The following CFAP44 variants were observed in gnomAD, a reference collection of about 807,000 sequenced individuals.
The protein encoded by CFAP44 is cilia and flagella associated protein 44.
CFAP44 carries 134 observed loss-of-function variants against 216.2 expected under a neutral mutation model. That is an observed-to-expected ratio of 0.62 (90% CI 0.54 to 0.72). CFAP44 has a LOEUF of 0.72. CFAP44 is among the 30% of genes least tolerant of loss of function. CFAP44 has a pLI of 0.00. For synonymous variants in CFAP44, 700 were observed against 727.6 expected, an observed-to-expected ratio of 0.96 and a Z score of 0.61; for missense variants, 2,035 against 2,182.1, an observed-to-expected ratio of 0.93 and a Z score of 1.34.
chr3:113,293,705 C>A (rs1212583387), intron 34 of CFAP44, among the ~76,000 whole-genome samples: 1 of 152,134 alleles, frequency 6.6e-6, no homozygotes, highest in Non-Finnish European at 1.5e-5. Context: ...GAAAAAGACC[C>A]CTCAATATTC....
intron 4 of CFAP44, among the ~76,000 whole-genome samples, chr3:113,420,448 A>G (rs1365135767): frequency 6.6e-6 from 1 of 152,226 alleles, no homozygotes; most frequent in African/African-American, 2.4e-5. Flanking sequence ...TTTGGTTACT[A>G]TTTTAATTTT....
At chr3:113,379,877 A>G (rs1252155032) in intron 16 of CFAP44, among the ~76,000 whole-genome samples, 2 of 152,202 alleles carry the variant, frequency 1.3e-5, no homozygotes, top group African/African-American at 2.4e-5. Context: ...GTCCACAAGG[A>G]AAGTTGCTTC....
chr3:113,289,966 C>T lies in CFAP44; in HGVS notation c.*1591G>A, dbSNP rs1576530277. The T allele has an allele frequency of 6.6e-6, 1 of 152,400 alleles. No individual in the cohort carries two copies. The highest frequency in any genetic ancestry group is 6.5e-5 in the Admixed American group (1 of 15,306). The allele number at this position is 152,400 out of a possible 1,614,324, so 9.4% of individuals were successfully genotyped here. On this transcript the variant is annotated 3_prime_UTR_variant, in exon 35 of 35. Transcript: ENST00000393845. Reference sequence around the variant, plus strand: ...CCAGCTCCTAGTGTGACTGCAACTCCACGAAAGACCCTGAGCCAGAACACC... The same window carrying T: ...CCAGCTCCTAGTGTGACTGCAACTCTACGAAAGACCCTGAGCCAGAACACC...
In CFAP44 at chr3:113,289,317, C is replaced by G. The variant is rs1390210892; in HGVS notation, c.*2240G>C. 6.6e-6 allele frequency: 1 copy of G among 152,176 alleles called. No homozygotes were observed. Among genetic ancestry groups the G allele is most frequent in the Non-Finnish European group, 1.5e-5 (1 of 68,034 alleles). The allele number at this position is 152,176 out of a possible 1,614,324, so 9.4% of individuals were successfully genotyped here. On this transcript the variant is annotated 3_prime_UTR_variant, in exon 35 of 35. Transcript: ENST00000393845. ...AATTAACTAGTGATTTAGTCCAGCT[C>G]AGTTTGGGAATAATTATCCCGATTA... is the stretch of plus-strand genomic sequence containing the variant.
chr3:113,325,893 C>T (rs1481162146), intron 28 of CFAP44, among the ~76,000 whole-genome samples: 1 of 152,130 alleles, frequency 6.6e-6, no homozygotes, highest in Non-Finnish European at 1.5e-5. Context: ...CCTAGAAATA[C>T]ATCCACACAA....
chr3:113,346,330 C>T (rs4682134), intron 22 of CFAP44, among the ~76,000 whole-genome samples: 50,723 of 141,572 alleles, frequency 0.36, 8,870 homozygotes, highest in East Asian at 0.59. Flanking sequence ...AGCTAAAGGA[C>T]TGTAAGTGCA....
At chr3:113,416,728 G>A (rs1934658692) in intron 5 of CFAP44, 101 bp from the exon 6 acceptor site, 1 of 822,092 alleles carries the variant, frequency 1.2e-6, no homozygotes, top group African/African-American at 1.8e-5. Flanking sequence ...TAATTTATTA[G>A]GCTTTACTCT....
chr3:113,299,067 A>G (rs1949909651), intron 32 of CFAP44, among the ~76,000 whole-genome samples: 1 of 152,232 alleles, frequency 6.6e-6, no homozygotes, highest in African/African-American at 2.4e-5. Context: ...ATAAATTAAA[A>G]TCACACAGTT....
chr3:113,347,145 G>A (rs180965078), intron 22 of CFAP44, among the ~76,000 whole-genome samples: 1 of 152,292 alleles, frequency 6.6e-6, no homozygotes, highest in Non-Finnish European at 1.5e-5. Flanking sequence ...AGTTAAAAGT[G>A]ACTAGCGTGG....
intron 17 of CFAP44, 127 bp from the exon 18 acceptor site, chr3:113,373,683 A>C: frequency 1.4e-6 from 1 of 729,468 alleles, no homozygotes; most frequent in African/African-American, 1.8e-5. Flanking sequence ...ACTTCTACAT[A>C]ATTTCTATGA....
chr3:113,372,884 T>G (rs1263341953), intron 18 of CFAP44, among the ~76,000 whole-genome samples: 1 of 152,156 alleles, frequency 6.6e-6, no homozygotes, highest in African/African-American at 2.4e-5. Context: ...ATCTTGGAAC[T>G]CTAGCCTCCA....
At chr3:113,406,183 A>C (rs1934273010) in intron 8 of CFAP44, among the ~76,000 whole-genome samples, 1 of 152,256 alleles carries the variant, frequency 6.6e-6, no homozygotes, top group African/African-American at 2.4e-5. Context: ...AACAGATTAC[A>C]GTTGCAGTGT....
At chr3:113,336,852 G>A (rs1447763824) in intron 24 of CFAP44, among the ~76,000 whole-genome samples, 1 of 151,814 alleles carries the variant, frequency 6.6e-6, no homozygotes, top group African/African-American at 2.4e-5. Context: ...TAGGTAGATT[G>A]AGGTAAAGGA....
At position 113,296,783 on chromosome 3, in the gene CFAP44, A is replaced by T. The variant is rs1949886026; in HGVS notation, c.5180T>A (p.Leu1727Gln). 6.5e-7 allele frequency: 1 copy of T among 1,537,722 alleles called. No homozygotes were observed. Among genetic ancestry groups the T allele is most frequent in the South Asian group, 1.2e-5 (1 of 84,056 alleles). Reference sequence around the variant, plus strand: ...CTCCTTTCGAAGTTTTCTGATCTTCAGTTCTTCAAGTGTTGTATTAACAGA... The same window carrying T: ...CTCCTTTCGAAGTTTTCTGATCTTCTGTTCTTCAAGTGTTGTATTAACAGA... ...TLSVNTTLEE[L>Q]KIRKLRKELA... Residue 1727 changes from leucine (L) to glutamine (Q), a missense_variant, in exon 33 of 35, where the codon CTG (leucine) becomes CAG (glutamine). This residue lies in a region of CFAP44 where 1,883 missense variants were observed against 2,023.7 expected (regional missense o/e 0.93). Coordinates refer to ENST00000393845, the MANE Select transcript of CFAP44 (RefSeq NM_001164496.2).
chr3:113,395,971 T>C (rs1400868642), intron 14 of CFAP44, 111 bp from the exon 15 acceptor site: 1 of 664,588 alleles, frequency 1.5e-6, no homozygotes, highest in Non-Finnish European at 2.4e-6. Context: ...AATGGTCATA[T>C]ATCCCAGATT....
chr3:113,398,561 T>G (rs894480202), intron 13 of CFAP44, among the ~76,000 whole-genome samples: 1 of 152,182 alleles, frequency 6.6e-6, no homozygotes, highest in African/African-American at 2.4e-5. Flanking sequence ...AAGACTTCAG[T>G]TAAGAGTGTA....
intron 19 of CFAP44, among the ~76,000 whole-genome samples, chr3:113,365,688 G>A (rs561336642): frequency 2.9e-4 from 44 of 151,820 alleles, no homozygotes; most frequent in South Asian, 1.0e-3. Context: ...CCCTTACAAC[G>A]AGTGAATGAA....
At chr3:113,399,107 T>C (rs1934068995) in intron 13 of CFAP44, among the ~76,000 whole-genome samples, 1 of 152,150 alleles carries the variant, frequency 6.6e-6, no homozygotes, top group Non-Finnish European at 1.5e-5. Context: ...GAGAGGGTGT[T>C]AGGTATAAAC....
At chr3:113,408,352 T>C (rs1934347718) in intron 7 of CFAP44, among the ~76,000 whole-genome samples, 2 of 152,174 alleles carry the variant, frequency 1.3e-5, no homozygotes, top group South Asian at 2.1e-4. Context: ...CAAGAGTAGG[T>C]TCTGCCACTG....
Sources: gnomAD v4.1 joint callset for allele counts (sites outside exome capture counted in the v4.1 genomes callset) on GRCh38, gnomAD v4.1.1 for gene constraint, gnomAD v4.1.1 regional missense constraint, MANE v1.5 for transcripts, NCBI Gene and HGNC (gene_info 2026-07-23, HGNC 2026-07-21) for gene names.